Variants in CCAR2 observed in about 807,000 individuals in gnomAD.
The protein encoded by CCAR2 is cell cycle and apoptosis regulator 2.
Under a neutral mutation model 108.1 loss-of-function variants are expected in CCAR2, and 21 were observed. That is an observed-to-expected ratio of 0.19 (90% CI 0.14 to 0.28). The LOEUF is 0.28. Among genes scored for constraint, CCAR2 ranks in the 10% least tolerant of loss-of-function variants. The probability of loss-of-function intolerance (pLI) is 1.00; values close to 1 mark genes in which losing one functional copy is unlikely to be tolerated. For synonymous variants in CCAR2, 577 were observed against 472.8 expected, an observed-to-expected ratio of 1.22 and a Z score of -2.86; for missense variants, 1,126 against 1,177.0, an observed-to-expected ratio of 0.96 and a Z score of 0.63.
intron 14 of CCAR2, 52 bp downstream of exon 14, chr8:22,616,300 C>T (rs1485205048): frequency 7.8e-6 from 12 of 1,541,152 alleles, no homozygotes; most frequent in Non-Finnish European, 1.1e-5. Context: ...GACCGCGCAC[C>T]TTTACCCCGG....
At position 22,615,864 on chromosome 8, in the gene CCAR2, C is replaced by T. The variant is rs202099010; in HGVS notation, c.1560C>T (p.Leu520=). The part of the protein sequence containing the change: ...IARPGCVNLS[L]HGIVEDRRPK... The stretch of plus-strand genomic sequence containing the variant: ...GCCCTGGCTGTGTAAACCTGTCCCT[C>T]CATGGGATTGTGGAGGATCGGAGGC... Residue 520 remains leucine, a synonymous_variant, in exon 13 of 21, where the codon CTC becomes CTT. Transcript: ENST00000308511. 1 of 1,613,984 alleles carries T rather than the reference C, an allele frequency of 6.2e-7. No individual in the cohort carries two copies. The highest frequency in any genetic ancestry group is 1.7e-5 in the Admixed American group (1 of 60,022).
chr8:22,615,979 T>A, intron 13 of CCAR2, 33 bp from the exon 14 acceptor site: 1 of 1,612,892 alleles, frequency 6.2e-7, no homozygotes, highest in African/African-American at 1.3e-5. Context: ...TCTTTCTTCC[T>A]GATGCTCATG....
intron 7 of CCAR2, among the ~76,000 whole-genome samples, chr8:22,610,902 C>T (rs1453090108): frequency 6.6e-6 from 1 of 152,110 alleles, no homozygotes; most frequent in African/African-American, 2.4e-5. Context: ...AATGAATGGT[C>T]TAAAGGTTTT....
At position 22,610,565 on chromosome 8, in the gene CCAR2, A is replaced by G. The variant is rs373120982; in HGVS notation, c.585-2452A>G. Among the ~76,000 whole-genome samples the G allele has an allele frequency of 1.1e-4, 16 of 152,368 alleles. No homozygotes were observed. The East Asian group carries it at 1.9e-3, about 18-fold the overall frequency. ...CATTCCTGCGAGCTGGAGAGTTGTC[A>G]AAGTGGCTTTGGCATGGGTCTTCTA... On this transcript the variant is annotated intron_variant, in intron 7 of 20. Transcript: ENST00000308511.
At chr8:22,614,692 G>T (rs750404647) in intron 10 of CCAR2, 146 bp from the exon 11 acceptor site, 2 of 1,130,938 alleles carry the variant, frequency 1.8e-6, no homozygotes, top group South Asian at 2.7e-5. Flanking sequence ...GAGGTGGCTG[G>T]TTCATGTTTG....
At chr8:22,612,072 A>C (rs76078395) in intron 7 of CCAR2, among the ~76,000 whole-genome samples, 1,830 of 151,276 alleles carry the variant, frequency 0.012, 27 homozygotes, top group African/African-American at 0.041. Context: ...CAGTCTCCCG[A>C]GTAGCTGGGA....
In CCAR2 at chr8:22,616,058, T is replaced by G. The variant is rs745935547; in HGVS notation, c.1655T>G (p.Phe552Cys). Reference protein sequence around the residue: ...ELFLEMLQRDFGYRVYKMLLS... With the variant: ...ELFLEMLQRDCGYRVYKMLLS... ...TTTCTGGAGATGCTCCAGAGGGATTTTGGCTATAGAGTTTATAAGATGCTA... is the reference window on the plus strand; with the variant it reads ...TTTCTGGAGATGCTCCAGAGGGATTGTGGCTATAGAGTTTATAAGATGCTA... The change falls in exon 14 of 21, where the codon TTT becomes TGT. Residue 552 changes from phenylalanine to cysteine, a missense_variant. By Grantham distance (205) the Phe-to-Cys change is radical. Around this residue, in one of 4 missense-constraint regions of CCAR2, gnomAD observed 1,013 missense variants for 993.9 expected, o/e 1.02. Transcript: ENST00000308511. 1.9e-6 allele frequency: 3 copies of G among 1,614,018 alleles called. No homozygotes were observed. Among genetic ancestry groups the G allele is most frequent in the Non-Finnish European group, 2.5e-6 (3 of 1,180,010 alleles).
chr8:22,618,417 C>T lies in CCAR2; in HGVS notation c.2142C>T (p.Ala714=). Residue 714 remains alanine, a synonymous_variant, in exon 17 of 21, where the codon GCC becomes GCT. Coordinates refer to ENST00000308511, the MANE Select transcript of CCAR2 (RefSeq NM_001393997.1). ...DCLLAFVFFD[A]NWCGYLHRRD... is the part of the protein sequence containing the mutation. ...TGCTTGCTTTTGTGTTCTTTGATGC[C>T]AACTGGTGTGGCTACTTGCACCGGC... 6.2e-7 allele frequency: 1 copy of T among 1,614,206 alleles called. No homozygotes were observed. The highest frequency in any genetic ancestry group is 8.5e-7 in the Non-Finnish European group (1 of 1,180,042).
chr8:22,617,689 TC>T lies in CCAR2; in HGVS notation c.1991-6del. 6.2e-7 allele frequency: 1 copy of T among 1,614,234 alleles called. No individual in the cohort carries two copies. The highest frequency in any genetic ancestry group is 8.5e-7 in the Non-Finnish European group (1 of 1,180,030). On this transcript the variant is annotated splice_region_variant and splice_polypyrimidine_tract_variant and intron_variant, in intron 15 of 20. Coordinates refer to ENST00000308511, the MANE Select transcript of CCAR2 (RefSeq NM_001393997.1). ...CCTGCTCTCCATTTATCTTGGCCTT[TC>T]TGTAGCAGGAGCAAAGCTGGAGGAT...
intron 7 of CCAR2, among the ~76,000 whole-genome samples, chr8:22,611,052 A>C (rs1428509358): frequency 6.7e-6 from 1 of 148,460 alleles, no homozygotes; most frequent in African/African-American, 2.6e-5. Flanking sequence ...ATATAAATAC[A>C]TAAAATTAAA....
At chr8:22,607,388 T>C in intron 6 of CCAR2, 63 bp downstream of exon 6, 1 of 1,588,168 alleles carries the variant, frequency 6.3e-7, no homozygotes. Flanking sequence ...CAATGGACTT[T>C]CAGGTTGCTG....
chr8:22,617,796 C>T lies in CCAR2; in HGVS notation c.2073+18C>T. 6.2e-7 allele frequency: 1 copy of T among 1,612,220 alleles called. No individual in the cohort carries two copies. Among genetic ancestry groups the T allele is most frequent in the Non-Finnish European group, 8.5e-7 (1 of 1,179,498 alleles). ...AGGACATGGTGAGGCCTCTTCTCGA[C>T]CACTCTGGGTCTCAGTGGTGGTGAG... On this transcript the variant is annotated intron_variant, in intron 16 of 20. Transcript: ENST00000308511.
Position 22,615,035 on chromosome 8 carries a change from C to A in CCAR2, c.1205+34C>A, listed in dbSNP as rs200583212. The A allele has an allele frequency of 3.3e-6, 5 of 1,515,588 alleles. No homozygotes were observed. The African/African-American group carries it at 5.5e-5, about 17-fold the overall frequency. The allele number at this position is 1,515,588 out of a possible 1,614,324, so 93.9% of individuals were successfully genotyped here. ...GCTTCCTGAGCCTCAGCTGCACCAA[C>A]GCACCAGGTTGGGGAGGTTTTGTTG... On this transcript the variant is annotated intron_variant, in intron 11 of 20. Coordinates refer to ENST00000308511, the MANE Select transcript of CCAR2 (RefSeq NM_001393997.1).
intron 14 of CCAR2, 22 bp downstream of exon 14, chr8:22,616,270 G>C: frequency 1.2e-6 from 2 of 1,607,226 alleles, no homozygotes; most frequent in South Asian, 2.2e-5. Context: ...GCCACCTCGG[G>C]CTGTCATAGT....
chr8:22,620,233 T>TA lies in CCAR2; in HGVS notation c.*551_*552insA. On this transcript the variant is annotated 3_prime_UTR_variant, in exon 21 of 21. Transcript: ENST00000308511. ...GAAAGAGCTCAGTGTTGGGCTGGGT[T>TA]TGCCAGTAGAACACTGCGTTCCAGT... 6.5e-6 allele frequency: 1 copy of TA among 154,282 alleles called. No homozygotes were observed. Among genetic ancestry groups the TA allele is most frequent in the South Asian group, 2.0e-4 (1 of 4,918 alleles). The allele number at this position is 154,282 out of a possible 1,614,324, so 9.6% of individuals were successfully genotyped here.
At chr8:22,616,380 C>T in intron 14 of CCAR2, 132 bp downstream of exon 14, 1 of 810,416 alleles carries the variant, frequency 1.2e-6, no homozygotes. Context: ...ACTGAGGCCG[C>T]ACAGCTAGTA....
chr8:22,615,422 C>T lies in CCAR2; in HGVS notation c.1206-3C>T. The T allele has an allele frequency of 5.6e-6, 9 of 1,612,528 alleles. No homozygotes were observed. The highest frequency in any genetic ancestry group is 7.6e-6 in the Non-Finnish European group (9 of 1,179,276). Reference sequence around the variant, plus strand: ...AGTTAGTACCTCCTTTTGCCATGTGCAGGTGGCGCTTTGCCGAGTTTCAGT... The same window carrying T: ...AGTTAGTACCTCCTTTTGCCATGTGTAGGTGGCGCTTTGCCGAGTTTCAGT... On this transcript the variant is annotated splice_polypyrimidine_tract_variant and splice_region_variant and intron_variant, in intron 11 of 20. Coordinates refer to ENST00000308511, the MANE Select transcript of CCAR2 (RefSeq NM_001393997.1).
chr8:22,614,875 T>C lies in CCAR2; in HGVS notation c.1079T>C (p.Val360Ala), dbSNP rs1421213371. Residue 360 changes from valine (V) to alanine (A), a missense_variant, in exon 11 of 21, where the codon GTT (valine) becomes GCT (alanine). Val to Ala is a moderately conservative substitution (Grantham distance 64). Transcript: ENST00000308511. ...LGRKEEEAVLVGGEWSPSLDG... is the reference protein window; with the variant it reads ...LGRKEEEAVLAGGEWSPSLDG... ...AGGAAAGAAGAGGAGGCAGTGCTGG[T>C]TGGGGGTGAATGGTCTCCTTCCCTG... is the stretch of plus-strand genomic sequence containing the variant. The C allele has an allele frequency of 1.9e-6, 3 of 1,610,488 alleles. No homozygotes were observed. Among genetic ancestry groups the C allele is most frequent in the Admixed American group, 1.7e-5 (1 of 59,654 alleles).
rs1801699188 is a variant in CCAR2 at position 22,619,906 on chromosome 8, C to T, written c.*224C>T. Reference sequence around the variant, plus strand: ...GGTTCCACTTAACAACTAAATACAACATCTTTTGCACCCCTAGAATGTCAT... The same window carrying T: ...GGTTCCACTTAACAACTAAATACAATATCTTTTGCACCCCTAGAATGTCAT... On this transcript the variant is annotated 3_prime_UTR_variant, in exon 21 of 21. Coordinates refer to ENST00000308511, the MANE Select transcript of CCAR2 (RefSeq NM_001393997.1). 1.7e-6 allele frequency: 1 copy of T among 578,654 alleles called. No individual in the cohort carries two copies. Among genetic ancestry groups the T allele is most frequent in the East Asian group, 2.9e-5 (1 of 35,040 alleles). The allele number at this position is 578,654 out of a possible 1,614,324, so 35.8% of individuals were successfully genotyped here. A position where few individuals can be genotyped will look rare whatever the true frequency, so the allele number is the denominator to read the frequency against.
Sources: allele counts gnomAD v4.1 joint callset (sites outside exome capture counted in the v4.1 genomes callset), GRCh38; gene constraint gnomAD v4.1.1; regional missense constraint gnomAD v4.1.1; transcripts MANE v1.5; gene names NCBI Gene and HGNC (gene_info 2026-07-23, HGNC 2026-07-21).